NVL: variants seen among roughly 807,000 people sequenced by gnomAD.
NVL encodes nuclear valosin-containing protein-like.
In NVL, 84 loss-of-function variants were observed where a neutral mutation model predicts 110.2. That is an observed-to-expected ratio of 0.76 (90% CI 0.64 to 0.91). NVL has a LOEUF of 0.91. NVL is among the 40% of genes least tolerant of loss of function. NVL has a pLI of 0.00. For missense variants in NVL, 882 were observed against 1,035.9 expected, an observed-to-expected ratio of 0.85 and a Z score of 2.04; for synonymous variants, 354 against 361.1, an observed-to-expected ratio of 0.98 and a Z score of 0.22.
At chr1:224,318,916 G>A (rs1670354001) in intron 2 of NVL, among the ~76,000 whole-genome samples, 1 of 151,382 alleles carries the variant, frequency 6.6e-6, no homozygotes, top group African/African-American at 2.4e-5. Context: ...GTGAACCCAG[G>A]AGGCAGAGCT....
chr1:224,260,921 G>A (rs1252248504), intron 18 of NVL, among the ~76,000 whole-genome samples: 1 of 151,904 alleles, frequency 6.6e-6, no homozygotes. Flanking sequence ...TGTCACCCAG[G>A]CTGGAGTGCA....
intron 2 of NVL, among the ~76,000 whole-genome samples, chr1:224,321,383 G>C (rs1441438768): frequency 1.3e-5 from 2 of 152,162 alleles, no homozygotes; most frequent in East Asian, 3.9e-4. Context: ...CCAACACCTG[G>C]ATAAGAGAAG....
chr1:224,230,338 C>T (rs1273893695), intron 22 of NVL, among the ~76,000 whole-genome samples: 1 of 152,188 alleles, frequency 6.6e-6, no homozygotes, highest in Non-Finnish European at 1.5e-5. Flanking sequence ...GGCGCAGTGG[C>T]TCACGCCTGT....
intron 13 of NVL, 118 bp from the exon 14 acceptor site, chr1:224,288,111 T>C (rs1667041839): frequency 2.9e-6 from 2 of 692,684 alleles, no homozygotes; most frequent in Admixed American, 2.9e-5. Flanking sequence ...ATCCTGAACG[T>C]CTATGTATTT....
chr1:224,227,633 C>T lies in NVL; in HGVS notation c.2564G>A (p.Ser855Asn). 2 of 1,611,366 alleles carry T rather than the reference C, an allele frequency of 1.2e-6. No individual in the cohort carries two copies. Among genetic ancestry groups the T allele is most frequent in the Non-Finnish European group, 1.7e-6 (2 of 1,178,340 alleles). ...AGCCGGCTGCTGGAGACATCACCGG[C>T]TGAGGGACTCCTGCAAACGTTCATA... ...IMYERLQESL[S>N]R Residue 855 changes from serine to asparagine, a missense_variant, in exon 23 of 23, where the codon AGC (serine) becomes AAC (asparagine). By Grantham distance (46) the Ser-to-Asn change is conservative. This residue lies in a region of NVL where 126 missense variants were observed against 140.7 expected (regional missense o/e 0.90). Coordinates refer to ENST00000281701, the MANE Select transcript of NVL (RefSeq NM_002533.4).
chr1:224,308,261 T>G lies in NVL; in HGVS notation c.345A>C (p.Ser115=), dbSNP rs1351177805. 2 of 1,592,402 alleles carry G rather than the reference T, an allele frequency of 1.3e-6. No homozygotes were observed. Among genetic ancestry groups the G allele is most frequent in the East Asian group, 2.2e-5 (1 of 44,632 alleles). Residue 115 remains serine (S), a splice_region_variant and synonymous_variant, in exon 6 of 23, where the codon TCA becomes TCC. Coordinates refer to ENST00000281701, the MANE Select transcript of NVL (RefSeq NM_002533.4). ...GCAGGGAACTGTTCATGTGATTTGC[T>G]GACTGGCAGAAAGATAAAACAAAAT... The part of the protein sequence containing the change: ...SSMEDYPDPQ[S]ANHMNSSLLS...
At chr1:224,269,936 C>CTT (rs11375664) in intron 17 of NVL, 23,187 of 131,648 alleles carry the variant, frequency 0.18, 2,460 homozygotes, top group Middle Eastern at 0.25. Context: ...CTTTTTCTTT[C>CTT]TTTTTTTTTT....
rs200066624 is a variant in NVL at position 224,289,527 on chromosome 1, A to C, written c.1532T>G (p.Val511Gly). The change falls in exon 13 of 23, where the codon GTC (valine) becomes GGC (glycine). Residue 511 changes from valine (V) to glycine (G), a missense_variant. This residue lies in a region of NVL where 416 missense variants were observed against 499.3 expected (regional missense o/e 0.83). Transcript: ENST00000281701. ...CTCAGTTCCCAGCCTTTCCTCCTGGACTCCTTTAGATGGCAAATCTTCCAT... is the reference window on the plus strand; with the variant it reads ...CTCAGTTCCCAGCCTTTCCTCCTGGCCTCCTTTAGATGGCAAATCTTCCAT... ...PEMEDLPSKG[V>G]QEERLGTEPT... The C allele has an allele frequency of 1.2e-6, 2 of 1,614,054 alleles. No individual in the cohort carries two copies. The highest frequency in any genetic ancestry group is 1.7e-6 in the Non-Finnish European group (2 of 1,179,998).
At chr1:224,231,132 C>CAAAAA in intron 22 of NVL, 94 bp downstream of exon 22, 1 of 654,122 alleles carries the variant, frequency 1.5e-6, no homozygotes, top group Non-Finnish European at 2.5e-6. Flanking sequence ...GACTCCGTCT[C>CAAAAA]AAAAAAAAAA....
intron 19 of NVL, among the ~76,000 whole-genome samples, chr1:224,246,908 G>A (rs1414015739): frequency 1.3e-5 from 2 of 151,934 alleles, no homozygotes; most frequent in Non-Finnish European, 2.9e-5. Context: ...GAGTGTGGTG[G>A]CACGCACCTG....
intron 19 of NVL, among the ~76,000 whole-genome samples, chr1:224,242,202 C>CA (rs1437409269): frequency 6.6e-6 from 1 of 151,974 alleles, no homozygotes; most frequent in Non-Finnish European, 1.5e-5. Context: ...TGGGAAGATG[C>CA]AAAAGTTCTG....
intron 22 of NVL, among the ~76,000 whole-genome samples, chr1:224,230,611 TA>T (rs945708571): frequency 3.4e-5 from 5 of 146,578 alleles, no homozygotes; most frequent in Admixed American, 6.8e-5. Context: ...CTCAAAAAAA[TA>T]AAAAAAAAAT....
chr1:224,242,385 T>C (rs1661295536), intron 19 of NVL, among the ~76,000 whole-genome samples: 1 of 152,136 alleles, frequency 6.6e-6, no homozygotes, highest in Admixed American at 6.6e-5. Context: ...TAATTCGTAT[T>C]AAACATTATA....
intron 5 of NVL, among the ~76,000 whole-genome samples, chr1:224,311,113 A>T (rs1669476672): frequency 6.6e-6 from 1 of 152,102 alleles, no homozygotes; most frequent in African/African-American, 2.4e-5. Flanking sequence ...GCTGGAGTGC[A>T]GTAGTGCAAT....
intron 18 of NVL, among the ~76,000 whole-genome samples, chr1:224,254,001 G>T (rs981942251): frequency 6.6e-6 from 1 of 152,156 alleles, no homozygotes; most frequent in Non-Finnish European, 1.5e-5. Flanking sequence ...TGAAGTAACT[G>T]TACAAATCTT....
At chr1:224,290,749 C>T (rs1006244461) in intron 12 of NVL, among the ~76,000 whole-genome samples, 1 of 147,724 alleles carries the variant, frequency 6.8e-6, no homozygotes, top group Non-Finnish European at 1.5e-5. Context: ...TTGCAGTGAG[C>T]TGAGATCAGG....
chr1:224,264,817 T>C (rs1664332340), intron 18 of NVL, among the ~76,000 whole-genome samples: 1 of 152,146 alleles, frequency 6.6e-6, no homozygotes, highest in African/African-American at 2.4e-5. Flanking sequence ...CTCGGCTCAC[T>C]GCAACCTCCG....
rs779400404 is a variant in NVL at position 224,239,762 on chromosome 1, T to C, written c.2290-3180A>G. ...TGGACCTTCATCAAATTGTATTTAA[T>C]GAACTGGCTTTGTGTAATACCCTCA... On this transcript the variant is annotated intron_variant, in intron 19 of 22. Transcript: ENST00000281701. Among the ~76,000 whole-genome samples, 205 of 152,224 alleles carry C rather than the reference T, an allele frequency of 1.3e-3. 2 individuals are homozygous for C. Among genetic ancestry groups the C allele is most frequent in the Non-Finnish European group, 6.0e-4 (41 of 68,042 alleles).
intron 1 of NVL, among the ~76,000 whole-genome samples, chr1:224,327,317 C>T (rs1475188665): frequency 6.6e-6 from 1 of 151,810 alleles, no homozygotes; most frequent in Non-Finnish European, 1.5e-5. Context: ...GTGGTGCATA[C>T]CTGTGGTCCC....
Sources: gnomAD v4.1 joint callset for allele counts (sites outside exome capture counted in the v4.1 genomes callset) on GRCh38, gnomAD v4.1.1 for gene constraint, gnomAD v4.1.1 regional missense constraint, MANE v1.5 for transcripts, NCBI Gene and HGNC (gene_info 2026-07-23, HGNC 2026-07-21) for gene names.